MTMR4: variants seen among roughly 807,000 people sequenced by gnomAD.
MTMR4 encodes phosphatidylinositol-3,5-bisphosphate 3-phosphatase MTMR4.
MTMR4 carries 30 observed loss-of-function variants against 125.5 expected under a neutral mutation model. That is an observed-to-expected ratio of 0.24 (90% CI 0.18 to 0.32). The LOEUF is 0.32. Ranked by LOEUF, MTMR4 falls within the 10% of genes least tolerant of loss-of-function variation. The probability of loss-of-function intolerance (pLI) is 1.00; values close to 1 mark genes in which losing one functional copy is unlikely to be tolerated. For synonymous variants in MTMR4, 498 were observed against 564.5 expected (o/e 0.88, Z 1.67); for missense variants, 1,039 against 1,511.5 (o/e 0.69, Z 5.18).
At position 58,496,198 on chromosome 17, in the gene MTMR4, G is replaced by A. The variant is rs758423315; in HGVS notation, c.1986C>T (p.His662=). 1.2e-6 allele frequency: 2 copies of A among 1,614,158 alleles called. No individual in the cohort carries two copies. The stretch of plus-strand genomic sequence containing the variant: ...TTGTCTCTGATCCCTCAGGATTGCT[G>A]TGCCAGGGCTCCAGGCCTACCCTGA... ...QEVRVGLEPW[H]SNPEGSETSF... Residue 662 remains histidine, a synonymous_variant, in exon 15 of 18, where the codon CAC becomes CAT. Coordinates refer to ENST00000682306, the MANE Select transcript of MTMR4 (RefSeq NM_001378067.1).
Position 58,496,058 on chromosome 17 carries a change from T to A in MTMR4, c.2126A>T (p.His709Leu). 1 of 1,614,202 alleles carries A rather than the reference T, an allele frequency of 6.2e-7. No homozygotes were observed. Among genetic ancestry groups the A allele is most frequent in the Non-Finnish European group, 8.5e-7 (1 of 1,180,032 alleles). The change falls in exon 15 of 18, where the codon CAC becomes CTC. Residue 709 changes from histidine (H) to leucine (L), a missense_variant. His to Leu is a moderately conservative substitution (Grantham distance 99). Around this residue, in one of 6 missense-constraint regions of MTMR4, gnomAD observed 619 missense variants for 714.5 expected, o/e 0.87. Coordinates refer to ENST00000682306, the MANE Select transcript of MTMR4 (RefSeq NM_001378067.1). ...TTTGTAACTTGGAGAACAGCTTTTG[T>A]GACTCTTGAAAGGTTTATTGCTCAA... ...DYLSNKPFKSHKSCSPSYKLL... is the reference protein window; with the variant it reads ...DYLSNKPFKSLKSCSPSYKLL...
intron 14 of MTMR4, 26 bp downstream of exon 14, chr17:58,503,718 G>A (rs969543096): frequency 3.7e-6 from 6 of 1,600,138 alleles, no homozygotes; most frequent in East Asian, 2.2e-5. Context: ...GTGGAGAGAG[G>A]AGAAAGGAAG....
chr17:58,505,615 A>G, intron 9 of MTMR4, 32 bp from the exon 10 acceptor site: 1 of 1,552,766 alleles, frequency 6.4e-7, no homozygotes, highest in Non-Finnish European at 8.9e-7. Context: ...GGGACATAAA[A>G]GCACGTCCTA....
Position 58,491,480 on chromosome 17 carries a change from T to A in MTMR4, c.*183A>T. 1 of 574,996 alleles carries A rather than the reference T, an allele frequency of 1.7e-6. No individual in the cohort carries two copies. Among genetic ancestry groups the A allele is most frequent in the East Asian group, 3.2e-5 (1 of 31,208 alleles). 35.6% of individuals were successfully genotyped at this position (574,996 alleles called of 1,614,324 possible). ...TACCCCAAGGTGAGGGTATCACCAG[T>A]AGAGGACCTCCTGCTAAATTGCAAT... is the stretch of plus-strand genomic sequence containing the variant. On this transcript the variant is annotated 3_prime_UTR_variant, in exon 18 of 18. Coordinates refer to ENST00000682306, the MANE Select transcript of MTMR4 (RefSeq NM_001378067.1).
Position 58,504,243 on chromosome 17 carries a change from AC to A in MTMR4, c.1528-24del. ...TACCTAGAAAGCAGAGAGAGCTTGCACCTGGGGGCCTCGGGCTGTCATTCCC... is the reference window on the plus strand; with the variant it reads ...TACCTAGAAAGCAGAGAGAGCTTGCACTGGGGGCCTCGGGCTGTCATTCCC... On this transcript the variant is annotated intron_variant, in intron 12 of 17. Coordinates refer to ENST00000682306, the MANE Select transcript of MTMR4 (RefSeq NM_001378067.1). The surrounding 1 kb of genome is among the most constrained non-coding windows in gnomAD (Gnocchi z 7.1). The A allele has an allele frequency of 6.2e-7, 1 of 1,603,396 alleles. No individual in the cohort carries two copies.
At chr17:58,515,783 G>T (rs901059340), upstream of MTMR4, among the ~76,000 whole-genome samples, 1 of 152,184 alleles carries the variant, frequency 6.6e-6, no homozygotes, top group Non-Finnish European at 1.5e-5. Context: ...GTCTATGGAA[G>T]GAAGGGAGGG....
intron 15 of MTMR4, among the ~76,000 whole-genome samples, chr17:58,494,418 C>T (rs1028827142): frequency 7.2e-5 from 11 of 151,978 alleles, no homozygotes; most frequent in African/African-American, 2.2e-4. Context: ...ATTTTATTGC[C>T]TTAAGGGTAA....
Position 58,508,333 on chromosome 17 carries a change from C to A in MTMR4, c.594-59G>T. The A allele has an allele frequency of 3.2e-6, 5 of 1,567,694 alleles. No individual in the cohort carries two copies. The highest frequency in any genetic ancestry group is 4.4e-6 in the Non-Finnish European group (5 of 1,138,122). On this transcript the variant is annotated intron_variant, in intron 6 of 17. Coordinates refer to ENST00000682306, the MANE Select transcript of MTMR4 (RefSeq NM_001378067.1). The surrounding 1 kb of genome is among the most constrained non-coding windows in gnomAD (Gnocchi z 4.8). ...GGTCTAAAACATGTGATGACAGGAT[C>A]CCTGGGGATGGCTTTGTGGGAAGAG...
At chr17:58,492,638 G>A (rs750988718) in intron 16 of MTMR4, 39 bp from the exon 17 acceptor site, 1 of 1,586,198 alleles carries the variant, frequency 6.3e-7, no homozygotes, top group Non-Finnish European at 8.7e-7. Flanking sequence ...GGTCCTTGTT[G>A]ACAGACTGGA....
In MTMR4 at chr17:58,493,084, A is replaced by T; in HGVS notation, c.3253-132T>A. On this transcript the variant is annotated intron_variant, in intron 15 of 17. Transcript: ENST00000682306. ...TTATGACAGTCTTACAATGTATACT[A>T]CTAATATCCCCATTTTACAAATAAG... 4 of 637,904 alleles carry T rather than the reference A, an allele frequency of 6.3e-6. No homozygotes were observed. In the East Asian group the frequency reaches 1.1e-4, roughly 18 times the overall value. The allele number at this position is 637,904 out of a possible 1,614,324, so 39.5% of individuals were successfully genotyped here. A position where few individuals can be genotyped will look rare whatever the true frequency, so the allele number is the denominator to read the frequency against.
intron 17 of MTMR4, 61 bp downstream of exon 17, chr17:58,492,450 T>G: frequency 6.8e-7 from 1 of 1,466,970 alleles, no homozygotes; most frequent in Non-Finnish European, 9.5e-7. Context: ...ATTACAGGTG[T>G]GAGCCACTGC....
At chr17:58,493,710 C>T (rs1025243883) in intron 15 of MTMR4, among the ~76,000 whole-genome samples, 1 of 151,018 alleles carries the variant, frequency 6.6e-6, no homozygotes, top group Non-Finnish European at 1.5e-5. Context: ...CGGTATGGCC[C>T]ACAAAACCTA....
chr17:58,508,819 G>C lies in MTMR4; in HGVS notation c.358C>G (p.Gln120Glu). ...VVRCHFSTFK[Q>E]CQEWLSRLSR... ...AGCCGTGAGAGCCACTCTTGGCACT[G>C]CTTAAAAGTGGAGAAGTGGCACCTG... The change falls in exon 5 of 18, where the codon CAG becomes GAG. Residue 120 changes from glutamine (Q) to glutamate (E), a missense_variant. This residue lies in a region of MTMR4 where 202 missense variants were observed against 311.9 expected (regional missense o/e 0.65). Coordinates refer to ENST00000682306, the MANE Select transcript of MTMR4 (RefSeq NM_001378067.1). This position sits in a 1 kb window ranked among gnomAD's most constrained non-coding sequence, Gnocchi z 4.8. 1 of 1,613,392 alleles carries C rather than the reference G, an allele frequency of 6.2e-7. No individual in the cohort carries two copies.
At chr17:58,493,039 T>G in intron 15 of MTMR4, 87 bp from the exon 16 acceptor site, 1 of 961,632 alleles carries the variant, frequency 1.0e-6, no homozygotes, top group African/African-American at 1.6e-5. Flanking sequence ...CTAAGTGCAT[T>G]ACACACATGA....
Position 58,512,272 on chromosome 17 carries a change from C to CAGT in MTMR4, c.252+117_252+118insACT. On this transcript the variant is annotated intron_variant, in intron 3 of 17. Coordinates refer to ENST00000682306, the MANE Select transcript of MTMR4 (RefSeq NM_001378067.1). The surrounding 1 kb of genome is among the most constrained non-coding windows in gnomAD (Gnocchi z 4.1). The stretch of plus-strand genomic sequence containing the variant: ...AAGTGCTGGGATTACAGGCGTGAGC[C>CAGT]ACTGCGCCCGGCCTCCAACTTTTTT... The CAGT allele has an allele frequency of 1.2e-6, 1 of 856,938 alleles. No homozygotes were observed. Among genetic ancestry groups the CAGT allele is most frequent in the Admixed American group, 1.8e-5 (1 of 54,222 alleles). 53.1% of individuals were successfully genotyped at this position (856,938 alleles called of 1,614,324 possible).
intron 4 of MTMR4, 199 bp downstream of exon 4, chr17:58,511,230 C>T: frequency 1.9e-6 from 1 of 516,306 alleles, no homozygotes. Context: ...ATGAACTAGG[C>T]ATTACCCCCA....
At position 58,495,442 on chromosome 17, in the gene MTMR4, G is replaced by A. The variant is rs781782581; in HGVS notation, c.2742C>T (p.Phe914=). ...TGTCCCAGTTGGACCCTAGAAAAGA[G>A]AACTCACTGATCTGGCTCTGAGAAA... is the stretch of plus-strand genomic sequence containing the variant. ...KPISQSQISE[F]SFLGSNWDSF... The change falls in exon 15 of 18, where the codon TTC becomes TTT. Residue 914 remains phenylalanine (F), a synonymous_variant. Transcript: ENST00000682306. The A allele has an allele frequency of 6.2e-7, 1 of 1,614,256 alleles. No individual in the cohort carries two copies. Among genetic ancestry groups the A allele is most frequent in the South Asian group, 1.1e-5 (1 of 91,084 alleles).
chr17:58,504,808 A>G lies in MTMR4; in HGVS notation c.1312T>C (p.Leu438=). The G allele has an allele frequency of 6.2e-7, 1 of 1,610,884 alleles. No individual in the cohort carries two copies. Among genetic ancestry groups the G allele is most frequent in the South Asian group, 1.1e-5 (1 of 90,714 alleles). The change falls in exon 11 of 18, where the codon TTA becomes CTA. Residue 438 remains leucine (L), a synonymous_variant. Coordinates refer to ENST00000682306, the MANE Select transcript of MTMR4 (RefSeq NM_001378067.1). This position sits in a 1 kb window ranked among gnomAD's most constrained non-coding sequence, Gnocchi z 7.1. ...AACGTCCTGTAATATGGGTCCAGTA[A>G]TATTTTGGCCAGGGCTACGATCTGC... ...TPQIVALAKI[L]LDPYYRTLEG...
At position 58,496,141 on chromosome 17, in the gene MTMR4, C is replaced by A. The variant is rs748348483; in HGVS notation, c.2043G>T (p.Gln681His). 1 of 1,614,182 alleles carries A rather than the reference C, an allele frequency of 6.2e-7. No homozygotes were observed. The highest frequency in any genetic ancestry group is 1.1e-5 in the South Asian group (1 of 91,084). Residue 681 changes from glutamine to histidine, a missense_variant, in exon 15 of 18, where the codon CAG (glutamine) becomes CAT (histidine). Gln to His is a conservative substitution (Grantham distance 24). Around this residue, in one of 6 missense-constraint regions of MTMR4, gnomAD observed 619 missense variants for 714.5 expected, o/e 0.87. Coordinates refer to ENST00000682306, the MANE Select transcript of MTMR4 (RefSeq NM_001378067.1). ...GAAGACCCACTTCTCCTACAGTTTG[C>A]TGAGGCCCTCCTACCCCAGAGTCCA... is the stretch of plus-strand genomic sequence containing the variant. ...SFVDSGVGGP[Q>H]QTVGEVGLPP...
Sources: allele counts gnomAD v4.1 joint callset (sites outside exome capture counted in the v4.1 genomes callset), GRCh38; gene constraint gnomAD v4.1.1; regional missense constraint gnomAD v4.1.1; non-coding constraint Gnocchi (gnomAD v3.1); transcripts MANE v1.5; gene names NCBI Gene and HGNC (gene_info 2026-07-23, HGNC 2026-07-21).